Variants in CTPS2 observed in about 807,000 individuals in gnomAD.
CTPS2 encodes the protein CTP synthase 2.
A neutral mutation model predicts 46.8 loss-of-function variants in CTPS2; 19 were observed. The observed-to-expected ratio is 0.41, with a 90% CI of 0.28 to 0.60. The LOEUF is 0.60. CTPS2 is among the 20% of genes least tolerant of loss of function. CTPS2 has a pLI of 0.35. For missense variants in CTPS2, 286 were observed against 447.6 expected (o/e 0.64, Z 3.26); for synonymous variants, 151 against 165.2 (o/e 0.91, Z 0.66).
At chrX:16,709,864 A>AAAAAAAAAAC (rs1925337208) in intron 1 of CTPS2, among the ~76,000 whole-genome samples, 1 of 107,911 alleles carries the variant, frequency 9.3e-6, no homozygotes, top group Non-Finnish European at 1.9e-5. Flanking sequence ...AAAAAAAAAA[A>AAAAAAAAAAC]AAAAAAAAAC....
intron 11 of CTPS2, among the ~76,000 whole-genome samples, chrX:16,670,087 A>C (rs963939973): frequency 2.7e-5 from 3 of 109,131 alleles, no homozygotes; most frequent in African/African-American, 6.7e-5. Flanking sequence ...CACACACACA[A>C]AAATTAGCCA....
At chrX:16,665,721 T>C in intron 13 of CTPS2, among the ~76,000 whole-genome samples, 1 of 111,704 alleles carries the variant, frequency 9.0e-6, no homozygotes, top group South Asian at 3.7e-4. Flanking sequence ...GATCCGTGAA[T>C]ATGCTAAAAA....
intron 14 of CTPS2, among the ~76,000 whole-genome samples, chrX:16,635,092 C>A (rs985371895): frequency 9.0e-6 from 1 of 111,557 alleles, no homozygotes; most frequent in Non-Finnish European, 1.9e-5. Flanking sequence ...TTAATCCAAG[C>A]ATTGTAACTA....
intron 10 of CTPS2, among the ~76,000 whole-genome samples, chrX:16,677,202 ATTTAG>A (rs1002548162): frequency 3.6e-5 from 4 of 111,663 alleles, no homozygotes; most frequent in African/African-American, 1.3e-4. Flanking sequence ...AAGCCTTCTA[ATTTAG>A]TTTACTTGGG....
At chrX:16,610,163 T>C (rs934287874) in intron 16 of CTPS2, among the ~76,000 whole-genome samples, 1 of 111,466 alleles carries the variant, frequency 9.0e-6, no homozygotes, top group Admixed American at 9.6e-5. Flanking sequence ...ACGAGGACAA[T>C]TGCTTTTCTA....
chrX:16,706,822 T>C (rs1482629189), intron 1 of CTPS2, among the ~76,000 whole-genome samples: 1 of 107,768 alleles, frequency 9.3e-6, no homozygotes, highest in Admixed American at 1.0e-4. Flanking sequence ...GATCGCACCA[T>C]TGCACTCCAG....
At chrX:16,646,261 G>A (rs1431575254) in intron 13 of CTPS2, among the ~76,000 whole-genome samples, 1 of 112,459 alleles carries the variant, frequency 8.9e-6, no homozygotes, top group Non-Finnish European at 1.9e-5. Flanking sequence ...GGCTGGGCCT[G>A]AACTTGAATC....
At chrX:16,597,013 T>C (rs1480193220) in intron 17 of CTPS2, among the ~76,000 whole-genome samples, 1 of 107,814 alleles carries the variant, frequency 9.3e-6, no homozygotes, top group Non-Finnish European at 1.9e-5. Context: ...TGTCTGTTCA[T>C]GTCCTTCGCC....
At chrX:16,685,870 A>G in intron 8 of CTPS2, among the ~76,000 whole-genome samples, 1 of 100,199 alleles carries the variant, frequency 1.0e-5, no homozygotes, top group Non-Finnish European at 2.1e-5. Flanking sequence ...CTGTCTCCAA[A>G]AAAAAAAAAA....
intron 13 of CTPS2, among the ~76,000 whole-genome samples, chrX:16,654,895 C>T (rs1172043633): frequency 9.1e-6 from 1 of 109,974 alleles, no homozygotes. Context: ...AAAAATAAAA[C>T]AAAATAAAAA....
At chrX:16,671,506 T>A (rs1158334019) in intron 10 of CTPS2, among the ~76,000 whole-genome samples, 1 of 23,977 alleles carries the variant, frequency 4.2e-5, no homozygotes, top group Non-Finnish European at 6.2e-5. Flanking sequence ...AACATTTTTC[T>A]TTTTTTTTTT....
At chrX:16,623,653 A>T (rs1930955482) in intron 14 of CTPS2, among the ~76,000 whole-genome samples, 1 of 110,287 alleles carries the variant, frequency 9.1e-6, no homozygotes, top group Non-Finnish European at 1.9e-5. Flanking sequence ...TTATCCATTC[A>T]TCTGTTGATG....
At chrX:16,617,812 C>T (rs1350097278) in intron 15 of CTPS2, among the ~76,000 whole-genome samples, 1 of 111,882 alleles carries the variant, frequency 8.9e-6, no homozygotes, top group African/African-American at 3.3e-5. Context: ...TCCTTTTCAG[C>T]CTCTCCTTCA....
intron 17 of CTPS2, among the ~76,000 whole-genome samples, chrX:16,604,273 AAT>A (rs758905607): frequency 1.8e-5 from 2 of 112,383 alleles, no homozygotes; most frequent in African/African-American, 3.2e-5. Flanking sequence ...TATACTTAAA[AAT>A]ATGTTTCCCA....
intron 3 of CTPS2, 145 bp downstream of exon 3, chrX:16,698,778 T>C: frequency 2.1e-6 from 1 of 479,616 alleles, no homozygotes; most frequent in Non-Finnish European, 3.5e-6. Context: ...CTCGAACTCC[T>C]GACCTCAGGT....
At chrX:16,705,171 G>A (rs1351027800) in intron 1 of CTPS2, among the ~76,000 whole-genome samples, 1 of 106,210 alleles carries the variant, frequency 9.4e-6, no homozygotes, top group Non-Finnish European at 1.9e-5. Context: ...CAGGTGCAGT[G>A]GCTCACTGCA....
chrX:16,666,919 T>C (rs1921233535), intron 13 of CTPS2, among the ~76,000 whole-genome samples: 1 of 111,325 alleles, frequency 9.0e-6, no homozygotes, highest in South Asian at 3.8e-4. Context: ...CATTTATTTA[T>C]AGTAGATGTT....
At position 16,689,316 on chromosome X, in the gene CTPS2, C is replaced by T. The variant is rs1055423003; in HGVS notation, c.872+134G>A. 1.6e-5 allele frequency: 9 copies of T among 560,727 alleles called. No individual in the cohort carries two copies. In the East Asian group the frequency reaches 2.0e-4, roughly 12 times the overall value. 46.2% of individuals were successfully genotyped at this position (560,727 alleles called of 1,213,427 possible). A position where few individuals can be genotyped will look rare whatever the true frequency, so the allele number is the denominator to read the frequency against. On this transcript the variant is annotated intron_variant, in intron 8 of 18. Transcript: ENST00000359276. ...AAAGCACCGCAACAGTATGCTCCAT[C>T]TTTAGACATATCCAGACCAAAATGT...
intron 1 of CTPS2, among the ~76,000 whole-genome samples, chrX:16,704,052 C>A: frequency 9.1e-6 from 1 of 109,312 alleles, no homozygotes; most frequent in Non-Finnish European, 1.9e-5. Flanking sequence ...GATTCTCATG[C>A]CTCAGCCTCC....
Sources: allele counts gnomAD v4.1 joint callset (sites outside exome capture counted in the v4.1 genomes callset), GRCh38; gene constraint gnomAD v4.1.1; transcripts MANE v1.5; gene names NCBI Gene and HGNC (gene_info 2026-07-23, HGNC 2026-07-21).